Variants in SVOP observed in about 807,000 individuals in gnomAD.
SVOP encodes the protein synaptic vesicle 2-related protein.
Under a neutral mutation model 69.1 loss-of-function variants are expected in SVOP, and 17 were observed. The observed-to-expected ratio is 0.25, with a 90% CI of 0.17 to 0.37. The LOEUF (loss-of-function observed/expected upper bound fraction) is 0.37. Among genes scored for constraint, SVOP ranks in the 10% least tolerant of loss-of-function variants. SVOP has a pLI of 1.00. For missense variants in SVOP, 435 were observed against 597.5 expected (o/e 0.73, Z 2.84); for synonymous variants, 238 against 238.6 (o/e 1.00, Z 0.02).
chr12:108,962,646 G>A (rs1260491852), intron 5 of SVOP, among the ~76,000 whole-genome samples: 2 of 152,126 alleles, frequency 1.3e-5, no homozygotes, highest in Non-Finnish European at 1.5e-5. Flanking sequence ...ATAGGGTCAA[G>A]AACCACAGAG....
chr12:109,018,407 C>T (rs1015807317), intron 1 of SVOP, among the ~76,000 whole-genome samples: 21 of 152,284 alleles, frequency 1.4e-4, no homozygotes, highest in South Asian at 8.3e-4. Flanking sequence ...ACTCCCTTTC[C>T]CCATTCCCCA....
intron 6 of SVOP, among the ~76,000 whole-genome samples, chr12:108,954,809 C>T (rs1005098274): frequency 1.3e-5 from 2 of 152,236 alleles, no homozygotes; most frequent in South Asian, 2.1e-4. Flanking sequence ...GTAGGCAGAT[C>T]GCTTGAGGCC....
intron 3 of SVOP, 33 bp from the exon 4 acceptor site, chr12:108,977,529 G>A: frequency 6.9e-7 from 1 of 1,452,682 alleles, no homozygotes; most frequent in Non-Finnish European, 9.3e-7. Context: ...ATGAGGCCAG[G>A]ATGCTGCTTG....
At chr12:108,921,618 C>T (rs79470012) in intron 12 of SVOP, among the ~76,000 whole-genome samples, 110 of 152,240 alleles carry the variant, frequency 7.2e-4, no homozygotes, top group African/African-American at 2.6e-3. Context: ...GGTATTTGTC[C>T]ACCAAATCCC....
chr12:109,005,195 C>T (rs549210483), intron 1 of SVOP, among the ~76,000 whole-genome samples: 20 of 152,254 alleles, frequency 1.3e-4, no homozygotes, highest in Admixed American at 4.6e-4. Context: ...GGTGGTCCAT[C>T]GGAGTAGACA....
intron 6 of SVOP, among the ~76,000 whole-genome samples, chr12:108,954,113 C>CAA (rs760331681): frequency 0.014 from 834 of 61,458 alleles, 13 homozygotes; most frequent in South Asian, 0.02. Flanking sequence ...GAATCTGTCT[C>CAA]AAAAAAAAAA....
At position 108,945,174 on chromosome 12, in the gene SVOP, T is replaced by C. The variant is rs897569301; in HGVS notation, c.579-8A>G. 7.8e-6 allele frequency: 12 copies of C among 1,537,028 alleles called. No individual in the cohort carries two copies. The highest frequency in any genetic ancestry group is 1.0e-5 in the Non-Finnish European group (12 of 1,146,834). On this transcript the variant is annotated splice_polypyrimidine_tract_variant and splice_region_variant and intron_variant, in intron 6 of 15. Transcript: ENST00000610966. ...TCGGCATACAGCGTCACCCTGGGAA[T>C]GTAAAAGGGAAAGAAAGGGAGTTAA...
At chr12:108,925,858 C>T (rs1474652409) in intron 11 of SVOP, among the ~76,000 whole-genome samples, 2 of 152,242 alleles carry the variant, frequency 1.3e-5, no homozygotes, top group South Asian at 2.1e-4. Flanking sequence ...TTGAGGCCAC[C>T]CTGACCATCC....
At chr12:108,989,434 G>GA (rs1555252612) in intron 1 of SVOP, among the ~76,000 whole-genome samples, 2 of 4,230 alleles carry the variant, frequency 4.7e-4, no homozygotes, top group African/African-American at 7.7e-4. Flanking sequence ...GAAACCCACT[G>GA]GAAAGCAGGA....
At chr12:109,013,595 G>A (rs1426450788) in intron 1 of SVOP, among the ~76,000 whole-genome samples, 2 of 151,926 alleles carry the variant, frequency 1.3e-5, no homozygotes, top group Non-Finnish European at 2.9e-5. Context: ...TCACCATGTT[G>A]GCCAGGCTGA....
At chr12:108,982,148 T>C (rs1165339818) in intron 2 of SVOP, among the ~76,000 whole-genome samples, 1 of 151,510 alleles carries the variant, frequency 6.6e-6, no homozygotes, top group African/African-American at 2.4e-5. Flanking sequence ...ATCATCATCA[T>C]TGCCAACCTT....
At chr12:108,980,422 C>G (rs1006349543) in intron 2 of SVOP, among the ~76,000 whole-genome samples, 1 of 151,984 alleles carries the variant, frequency 6.6e-6, no homozygotes, top group Admixed American at 6.6e-5. Context: ...TTTTGTAAAG[C>G]TAAAATAATT....
At chr12:108,978,753 G>T (rs2137435095) in intron 2 of SVOP, 90 bp from the exon 3 acceptor site, 1 of 659,294 alleles carries the variant, frequency 1.5e-6, no homozygotes, top group South Asian at 1.7e-5. Context: ...CCCCAGCCAA[G>T]CTAATTAAAC....
intron 3 of SVOP, 92 bp downstream of exon 3, chr12:108,978,486 G>GA: frequency 1.6e-6 from 1 of 643,516 alleles, no homozygotes; most frequent in East Asian, 2.8e-5. Flanking sequence ...CATGTGCAAA[G>GA]AACTGTGTCC....
At chr12:108,986,341 G>T (rs1285932626) in intron 1 of SVOP, among the ~76,000 whole-genome samples, 1 of 152,164 alleles carries the variant, frequency 6.6e-6, no homozygotes, top group Non-Finnish European at 1.5e-5. Context: ...TTAAAACACT[G>T]TATTCCTGGC....
chr12:108,966,363 T>C (rs917127274), intron 5 of SVOP, among the ~76,000 whole-genome samples: 2 of 152,360 alleles, frequency 1.3e-5, no homozygotes, highest in South Asian at 4.1e-4. Context: ...CACGTTTCCA[T>C]GGCTGCCACA....
chr12:108,919,478 T>C (rs1261880622), intron 13 of SVOP, among the ~76,000 whole-genome samples, 197 bp downstream of exon 13: 2 of 149,150 alleles, frequency 1.3e-5, no homozygotes, highest in Non-Finnish European at 3.0e-5. Context: ...TCTGCACCCA[T>C]ACCTGGGCAT....
At chr12:108,926,397 A>T (rs2039780299) in intron 11 of SVOP, 1 of 152,154 alleles carries the variant, frequency 6.6e-6, no homozygotes, top group Non-Finnish European at 1.5e-5. Flanking sequence ...GTAGTATTTC[A>T]TGGTGTACTG....
At chr12:109,014,884 G>T (rs1218889816) in intron 1 of SVOP, among the ~76,000 whole-genome samples, 1 of 151,984 alleles carries the variant, frequency 6.6e-6, no homozygotes, top group Non-Finnish European at 1.5e-5. Context: ...ACCATGGCTG[G>T]CTAGTTTTTC....
Sources: allele counts gnomAD v4.1 joint callset (sites outside exome capture counted in the v4.1 genomes callset), GRCh38; gene constraint gnomAD v4.1.1; transcripts MANE v1.5; gene names NCBI Gene and HGNC (gene_info 2026-07-23, HGNC 2026-07-21).